The following FSTL5 variants were observed in gnomAD, a reference collection of about 807,000 sequenced individuals.
The protein encoded by FSTL5 is follistatin-related protein 5.
A neutral mutation model predicts 89.1 loss-of-function variants in FSTL5; 62 were observed. The ratio of observed to expected loss-of-function variants is 0.70; its 90% CI spans 0.57 to 0.86. The LOEUF is 0.86. Ranked by LOEUF, FSTL5 falls within the 40% of genes least tolerant of loss-of-function variation. The pLI, the probability that FSTL5 is intolerant of heterozygous loss-of-function variation, is 0.00. For synonymous variants in FSTL5, 383 were observed against 346.2 expected (o/e 1.11, Z -1.18); for missense variants, 1,057 against 1,001.6 (o/e 1.06, Z -0.75).
chr4:161,923,521 A>G (rs1299836864), intron 3 of FSTL5, among the ~76,000 whole-genome samples: 1 of 151,846 alleles, frequency 6.6e-6, no homozygotes, highest in Non-Finnish European at 1.5e-5. Context: ...TGACTCACAT[A>G]TTTATATTTT....
intron 2 of FSTL5, among the ~76,000 whole-genome samples, chr4:162,081,219 G>C (rs1043374934): frequency 1.3e-5 from 2 of 151,498 alleles, no homozygotes; most frequent in African/African-American, 4.8e-5. Context: ...GAGTTTTCCA[G>C]AGTCAGTAGC....
At chr4:161,961,268 T>C (rs940323118) in intron 3 of FSTL5, among the ~76,000 whole-genome samples, 6 of 151,950 alleles carry the variant, frequency 3.9e-5, no homozygotes, top group Middle Eastern at 3.4e-3. Context: ...CACTGCACCT[T>C]GCTAAGTTTT....
intron 1 of FSTL5, among the ~76,000 whole-genome samples, chr4:162,155,152 A>G (rs12505024): frequency 0.23 from 35,339 of 152,066 alleles, 4,297 homozygotes; most frequent in Non-Finnish European, 0.26. Context: ...TTGCTCTTGT[A>G]GTCACATTAT....
chr4:161,392,877 C>T (rs529632394), intron 15 of FSTL5, among the ~76,000 whole-genome samples: 128 of 151,926 alleles, frequency 8.4e-4, no homozygotes, highest in Middle Eastern at 3.4e-3. Context: ...CAAAGGCAAA[C>T]GCAAGGCCGG....
intron 6 of FSTL5, among the ~76,000 whole-genome samples, chr4:161,740,813 TAA>T (rs1437961204): frequency 1.3e-5 from 2 of 152,150 alleles, no homozygotes; most frequent in African/African-American, 4.8e-5. Flanking sequence ...CAACACACCA[TAA>T]ATGAGGAAGC....
At chr4:161,978,812 G>C (rs1485159193) in intron 3 of FSTL5, among the ~76,000 whole-genome samples, 1 of 152,038 alleles carries the variant, frequency 6.6e-6, no homozygotes. Context: ...TAAATTTAAA[G>C]TTAATTATTT....
chr4:161,895,137 G>A (rs767098486), intron 4 of FSTL5, among the ~76,000 whole-genome samples: 3 of 152,140 alleles, frequency 2.0e-5, no homozygotes, highest in Non-Finnish European at 4.4e-5. Context: ...AAGTCTCACA[G>A]CTAATAAGTA....
At chr4:161,492,857 G>C (rs994898724) in intron 12 of FSTL5, among the ~76,000 whole-genome samples, 12 of 151,912 alleles carry the variant, frequency 7.9e-5, no homozygotes, top group African/African-American at 2.9e-4. Flanking sequence ...TATAGTACAT[G>C]GAGAATGTAA....
At chr4:161,910,258 A>G (rs1197389167) in intron 4 of FSTL5, among the ~76,000 whole-genome samples, 1 of 152,140 alleles carries the variant, frequency 6.6e-6, no homozygotes, top group East Asian at 1.9e-4. Context: ...GAAGTACACC[A>G]GAGTTCTCTA....
intron 3 of FSTL5, among the ~76,000 whole-genome samples, chr4:161,977,612 C>CAAAAAAAAAAAAAAAAAAAAAA (rs796909244): frequency 4.2e-5 from 4 of 95,140 alleles, no homozygotes; most frequent in Admixed American, 1.2e-4. Flanking sequence ...GACTCCGTGT[C>CAAAAAAAAAAAAAAAAAAAAAA]AAAAAAAAAA....
At chr4:161,882,091 T>C (rs1732652565) in intron 4 of FSTL5, among the ~76,000 whole-genome samples, 1 of 152,098 alleles carries the variant, frequency 6.6e-6, no homozygotes, top group Non-Finnish European at 1.5e-5. Flanking sequence ...ACTTTGCAAA[T>C]GATCAAAATA....
chr4:161,974,449 A>AT (rs2111024289), intron 3 of FSTL5, among the ~76,000 whole-genome samples: 1 of 137,994 alleles, frequency 7.2e-6, no homozygotes, highest in East Asian at 2.1e-4. Context: ...ATAACGCCGC[A>AT]TATCTACAAC....
intron 2 of FSTL5, among the ~76,000 whole-genome samples, chr4:162,067,964 T>C (rs1738973704): frequency 6.6e-6 from 1 of 151,822 alleles, no homozygotes; most frequent in South Asian, 2.1e-4. Flanking sequence ...TAAAAGAGAA[T>C]AAAATGCCTG....
At chr4:162,012,031 A>G (rs1736783714) in intron 3 of FSTL5, among the ~76,000 whole-genome samples, 1 of 152,174 alleles carries the variant, frequency 6.6e-6, no homozygotes, top group Non-Finnish European at 1.5e-5. Context: ...TATTCTTATT[A>G]TACCTAGGCA....
intron 3 of FSTL5, among the ~76,000 whole-genome samples, chr4:162,002,843 T>A (rs1009184963): frequency 6.6e-6 from 1 of 152,080 alleles, no homozygotes; most frequent in African/African-American, 2.4e-5. Context: ...GACCTTGGGT[T>A]GTTAGAAATC....
intron 7 of FSTL5, among the ~76,000 whole-genome samples, chr4:161,595,778 A>C (rs1368669630): frequency 6.6e-6 from 1 of 152,024 alleles, no homozygotes; most frequent in Admixed American, 6.6e-5. Context: ...CATATTGTTT[A>C]GATTGCTTCA....
intron 7 of FSTL5, among the ~76,000 whole-genome samples, chr4:161,623,048 GA>G (rs1367672501): frequency 2.6e-5 from 4 of 151,924 alleles, no homozygotes; most frequent in Non-Finnish European, 4.4e-5. Context: ...AATAACTGCT[GA>G]AAAAATTACA....
rs370928814 is a variant in FSTL5 at position 162,090,681 on chromosome 4, C to T, written c.126+20590G>A. ...GCTAAAAATACAAAAATTAGCTGGG[C>T]GTGGTGGTGCACGCCTGTAATCCCA... On this transcript the variant is annotated intron_variant, in intron 2 of 15. Coordinates refer to ENST00000306100, the MANE Select transcript of FSTL5 (RefSeq NM_020116.5). Among the ~76,000 whole-genome samples the T allele has an allele frequency of 9.2e-5, 14 of 151,990 alleles. 1 individual carries two copies. Among genetic ancestry groups the T allele is most frequent in the Middle Eastern group, 6.8e-3 (2 of 294 alleles).
At position 161,838,294 on chromosome 4, in the gene FSTL5, T is replaced by C. The variant is rs141199520; in HGVS notation, c.410-62220A>G. Among the ~76,000 whole-genome samples, 29 of 152,324 alleles carry C rather than the reference T, an allele frequency of 1.9e-4. 1 individual carries two copies. The East Asian group carries it at 5.6e-3, about 29-fold the overall frequency. On this transcript the variant is annotated intron_variant, in intron 4 of 15. Transcript: ENST00000306100. ...AAAGTTAATGTTTTCTGTTAATGTT[T>C]AACATATTAAAATGTTTTCTGCTGC...
Sources: allele counts gnomAD v4.1 joint callset (sites outside exome capture counted in the v4.1 genomes callset), GRCh38; gene constraint gnomAD v4.1.1; transcripts MANE v1.5; gene names NCBI Gene and HGNC (gene_info 2026-07-23, HGNC 2026-07-21).